The following ZNF461 variants were observed in gnomAD, a reference collection of about 807,000 sequenced individuals.
ZNF461 encodes zinc finger protein 461.
ZNF461 carries 16 observed loss-of-function variants against 18.3 expected under a neutral mutation model. The ratio of observed to expected loss-of-function variants is 0.88; its 90% CI spans 0.59 to 1.33. The LOEUF (loss-of-function observed/expected upper bound fraction) is 1.33. Ranked by LOEUF, ZNF461 falls within the 40% of genes most tolerant of loss-of-function variation. The pLI is 0.00. For missense variants in ZNF461, 595 were observed against 669.9 expected, an observed-to-expected ratio of 0.89 and a Z score of 1.23; for synonymous variants, 179 against 216.9, an observed-to-expected ratio of 0.83 and a Z score of 1.54.
At chr19:36,660,543 C>T (rs1001340195) in intron 2 of ZNF461, among the ~76,000 whole-genome samples, 6 of 151,910 alleles carry the variant, frequency 3.9e-5, no homozygotes, top group African/African-American at 1.5e-4. Context: ...GGTTTTTGCC[C>T]CTCAGGAATT....
At chr19:36,664,104 AT>A (rs2037862867) in intron 2 of ZNF461, among the ~76,000 whole-genome samples, 1 of 152,190 alleles carries the variant, frequency 6.6e-6, no homozygotes, top group East Asian at 1.9e-4. Context: ...TCAAAACAAT[AT>A]TATTTGTGTT....
intron 2 of ZNF461, among the ~76,000 whole-genome samples, chr19:36,658,856 T>A (rs1234957177): frequency 6.6e-6 from 1 of 152,234 alleles, no homozygotes; most frequent in Admixed American, 6.5e-5. Flanking sequence ...AGTACACATC[T>A]GGTGCAGACT....
At chr19:36,642,846 C>T (rs1242321130) in intron 5 of ZNF461, among the ~76,000 whole-genome samples, 3 of 151,886 alleles carry the variant, frequency 2.0e-5, no homozygotes, top group Admixed American at 6.6e-5. Flanking sequence ...CCTCCGCCTC[C>T]TGGGTTCAAG....
intron 2 of ZNF461, among the ~76,000 whole-genome samples, chr19:36,660,701 T>TTA (rs1555797817): frequency 1.4e-5 from 2 of 147,488 alleles, no homozygotes; most frequent in Non-Finnish European, 3.0e-5. Context: ...TTGATTTTTT[T>TTA]AAAAAAAAAA....
At chr19:36,660,711 A>G (rs950872059) in intron 2 of ZNF461, among the ~76,000 whole-genome samples, 3 of 151,816 alleles carry the variant, frequency 2.0e-5, no homozygotes, top group African/African-American at 7.3e-5. Context: ...TAAAAAAAAA[A>G]AGACAAACAA....
intron 4 of ZNF461, among the ~76,000 whole-genome samples, chr19:36,649,670 T>G (rs895358316): frequency 6.6e-6 from 1 of 152,030 alleles, no homozygotes; most frequent in Non-Finnish European, 1.5e-5. Flanking sequence ...ACTGTAAACT[T>G]AAAAACTTCT....
chr19:36,653,090 G>A (rs3108543), intron 4 of ZNF461, among the ~76,000 whole-genome samples: 101,761 of 152,034 alleles, frequency 0.67, 34,418 homozygotes, highest in East Asian at 0.8. Flanking sequence ...AGAACACCAA[G>A]TGCTGACTAT....
At chr19:36,649,252 C>G (rs1027060954) in intron 4 of ZNF461, among the ~76,000 whole-genome samples, 1 of 152,172 alleles carries the variant, frequency 6.6e-6, no homozygotes, top group African/African-American at 2.4e-5. Context: ...AATTATCTGA[C>G]AAAGACTTTA....
Position 36,638,035 on chromosome 19 carries a change from C to A in ZNF461, c.*618G>T. ...CTGTTGGGAATCTGCACAATAGAAACAAAAGAAGGTAAAATTAGAGTTCTA... is the reference window on the plus strand; with the variant it reads ...CTGTTGGGAATCTGCACAATAGAAAAAAAAGAAGGTAAAATTAGAGTTCTA... On this transcript the variant is annotated 3_prime_UTR_variant, in exon 6 of 6. Transcript: ENST00000588268. The A allele has an allele frequency of 4.7e-6, 1 of 214,544 alleles. No individual in the cohort carries two copies. Among genetic ancestry groups the A allele is most frequent in the Non-Finnish European group, 9.5e-6 (1 of 105,170 alleles). 13.3% of individuals were successfully genotyped at this position (214,544 alleles called of 1,614,324 possible).
intron 4 of ZNF461, among the ~76,000 whole-genome samples, chr19:36,647,024 A>T (rs572897567): frequency 1.3e-5 from 2 of 152,226 alleles, no homozygotes; most frequent in African/African-American, 2.4e-5. Flanking sequence ...ATAACTATAT[A>T]TAGCATTGCA....
chr19:36,653,194 T>G (rs374812094), intron 4 of ZNF461, among the ~76,000 whole-genome samples: 55 of 152,218 alleles, frequency 3.6e-4, no homozygotes, highest in African/African-American at 1.3e-3. Context: ...CTTGAAAAAC[T>G]AAAAATGGAC....
At chr19:36,666,416 C>G (rs2145429947) in intron 1 of ZNF461, among the ~76,000 whole-genome samples, 1 of 152,098 alleles carries the variant, frequency 6.6e-6, no homozygotes, top group Non-Finnish European at 1.5e-5. Context: ...TTTTCTTTCA[C>G]GTAAATAAAT....
chr19:36,640,175 G>C (rs567626568), intron 5 of ZNF461, 132 bp from the exon 6 acceptor site: 723 of 728,834 alleles, frequency 9.9e-4, no homozygotes, highest in Non-Finnish European at 1.4e-3. Flanking sequence ...TCTTAAATGG[G>C]TAAAGGAGCA....
intron 4 of ZNF461, among the ~76,000 whole-genome samples, chr19:36,649,336 ATG>A (rs898702657): frequency 2.8e-4 from 23 of 80,884 alleles, no homozygotes; most frequent in African/African-American, 1.1e-3. Context: ...TTATTTATTT[ATG>A]TTTTTTTTTG....
At chr19:36,658,631 A>G (rs976664614) in intron 2 of ZNF461, 19 of 425,754 alleles carry the variant, frequency 4.5e-5, no homozygotes, top group African/African-American at 3.9e-4. Flanking sequence ...CTGCAGACAC[A>G]TCTTCTTGTG....
Position 36,638,186 on chromosome 19 carries a change from A to G in ZNF461, c.*467T>C, listed in dbSNP as rs561705130. On this transcript the variant is annotated 3_prime_UTR_variant, in exon 6 of 6. Transcript: ENST00000588268. Reference sequence around the variant, plus strand: ...GTTACATCTTTACGTACTGACCTGGAAAAGTATTCATGATTATTATGAAAA... The same window carrying G: ...GTTACATCTTTACGTACTGACCTGGGAAAGTATTCATGATTATTATGAAAA... 23 of 173,796 alleles carry G rather than the reference A, an allele frequency of 1.3e-4. No individual in the cohort carries two copies. The highest frequency in any genetic ancestry group is 4.6e-4 in the African/African-American group (19 of 41,686). The allele number at this position is 173,796 out of a possible 1,614,324, so 10.8% of individuals were successfully genotyped here.
At chr19:36,651,173 G>C (rs554795520) in intron 4 of ZNF461, among the ~76,000 whole-genome samples, 2 of 146,514 alleles carry the variant, frequency 1.4e-5, no homozygotes, top group East Asian at 4.1e-4. Context: ...GGAGCTTGCA[G>C]TGAGCTGAGA....
chr19:36,650,980 C>A (rs1416811206), intron 4 of ZNF461, among the ~76,000 whole-genome samples: 2 of 151,326 alleles, frequency 1.3e-5, no homozygotes, highest in East Asian at 3.9e-4. Flanking sequence ...GCCTGTAATC[C>A]CAGTACTTTG....
At chr19:36,643,039 G>T (rs2037455911) in intron 5 of ZNF461, among the ~76,000 whole-genome samples, 1 of 152,106 alleles carries the variant, frequency 6.6e-6, no homozygotes, top group Admixed American at 6.6e-5. Flanking sequence ...AAAGTGCTGG[G>T]ATTACAGGTG....
Sources: gnomAD v4.1 joint callset for allele counts (sites outside exome capture counted in the v4.1 genomes callset) on GRCh38, gnomAD v4.1.1 for gene constraint, MANE v1.5 for transcripts, NCBI Gene and HGNC (gene_info 2026-07-23, HGNC 2026-07-21) for gene names.